RAB3D: variants seen among roughly 807,000 people sequenced by gnomAD.
RAB3D encodes the protein ras-related protein Rab-3D.
RAB3D carries 17 observed loss-of-function variants against 19.3 expected under a neutral mutation model. The observed-to-expected ratio is 0.88, with a 90% CI of 0.60 to 1.32. The LOEUF (loss-of-function observed/expected upper bound fraction) is 1.32, where lower values mean the gene tolerates loss of function less well. Ranked by LOEUF, RAB3D falls within the 40% of genes most tolerant of loss-of-function variation. The pLI, the probability that RAB3D is intolerant of heterozygous loss-of-function variation, is 0.00. For missense variants in RAB3D, 223 were observed against 299.1 expected, an observed-to-expected ratio of 0.75 and a Z score of 1.88; for synonymous variants, 103 against 119.9, an observed-to-expected ratio of 0.86 and a Z score of 0.92.
rs746346605 is a variant in RAB3D, at chr19:11,337,181, C to T, written c.219G>A (p.Leu73=). Residue 73 remains leucine, a synonymous_variant, in exon 2 of 5, where the codon CTG becomes CTA. Coordinates refer to ENST00000222120, the MANE Select transcript of RAB3D (RefSeq NM_004283.4). ...TVYRHDKRIK[L]QIWDTAGQER... ...CAGCCTCCCAGCCTACCCAGATCTG[C>T]AGCTTGATCCTCTTGTCATGGCGGT... is the stretch of plus-strand genomic sequence containing the variant. 3 of 1,613,876 alleles carry T rather than the reference C, an allele frequency of 1.9e-6. No individual in the cohort carries two copies. The highest frequency in any genetic ancestry group is 2.5e-6 in the Non-Finnish European group (3 of 1,179,918).
In RAB3D at chr19:11,323,618, C is replaced by T. The variant is rs2080794295; in HGVS notation, c.*1780G>A. ...AAAAACAAATGAAAAAAAGATACCC[C>T]ACTCCAAAGTTCTAAGGGTAGCCTC... On this transcript the variant is annotated 3_prime_UTR_variant, in exon 5 of 5. Coordinates refer to ENST00000222120, the MANE Select transcript of RAB3D (RefSeq NM_004283.4). The T allele has an allele frequency of 6.6e-6, 1 of 152,114 alleles. No homozygotes were observed. The highest frequency in any genetic ancestry group is 1.5e-5 in the Non-Finnish European group (1 of 68,032). The allele number at this position is 152,114 out of a possible 1,614,324, so 9.4% of individuals were successfully genotyped here. A position where few individuals can be genotyped will look rare whatever the true frequency, so the allele number is the denominator to read the frequency against.
chr19:11,335,611 TA>T, intron 3 of RAB3D, 40 bp from the exon 4 acceptor site: 1 of 1,613,664 alleles, frequency 6.2e-7, no homozygotes, highest in Non-Finnish European at 8.5e-7. Flanking sequence ...CCGGGGGGGT[TA>T]GGGGTCAGAG....
At chr19:11,331,048 T>C (rs1167796802) in intron 4 of RAB3D, among the ~76,000 whole-genome samples, 3 of 149,628 alleles carry the variant, frequency 2.0e-5, no homozygotes, top group Admixed American at 1.3e-4. Flanking sequence ...AAATAAATGG[T>C]TGGGAGGTTG....
At chr19:11,329,535 A>T (rs1014898871) in intron 4 of RAB3D, among the ~76,000 whole-genome samples, 2 of 150,884 alleles carry the variant, frequency 1.3e-5, no homozygotes, top group African/African-American at 4.9e-5. Context: ...TGAACCTGGG[A>T]GGCGGAGGTT....
At position 11,325,421 on chromosome 19, in the gene RAB3D, G is replaced by C. The variant is rs751532964; in HGVS notation, c.637C>G (p.Gln213Glu). 9 of 1,568,338 alleles carry C rather than the reference G, an allele frequency of 5.7e-6. No homozygotes were observed. The highest frequency in any genetic ancestry group is 7.8e-6 in the Non-Finnish European group (9 of 1,152,664). ...CTCTAGCAGCTGCAGCTGCTGGGCT[G>C]GGGGGCTGGAGCATCCCCCACGGCC... ...GPAVGDAPAP[Q>E]PSSCSC The change falls in exon 5 of 5, where the codon CAG becomes GAG. Residue 213 changes from glutamine (Q) to glutamate (E), a missense_variant. Physicochemically the swap from Gln to Glu is conservative, Grantham distance 29. Coordinates refer to ENST00000222120, the MANE Select transcript of RAB3D (RefSeq NM_004283.4).
chr19:11,322,973 G>A lies in RAB3D; in HGVS notation c.*2425C>T, dbSNP rs411834. ...CTAAAAATGCAAAACTTAGATGGGC[G>A]TGGTGGCAGGTGCCTGTAGTCCCAG... On this transcript the variant is annotated 3_prime_UTR_variant, in exon 5 of 5. Coordinates refer to ENST00000222120, the MANE Select transcript of RAB3D (RefSeq NM_004283.4). 0.18 allele frequency: 28,073 copies of A among 151,904 alleles called. 5,470 individuals carry two copies. The highest frequency in any genetic ancestry group is 0.5 in the African/African-American group (20,441 of 41,254). The allele number at this position is 151,904 out of a possible 1,614,324, so 9.4% of individuals were successfully genotyped here. A position where few individuals can be genotyped will look rare whatever the true frequency, so the allele number is the denominator to read the frequency against.
chr19:11,335,866 C>T, intron 2 of RAB3D, 83 bp from the exon 3 acceptor site: 3 of 1,273,366 alleles, frequency 2.4e-6, no homozygotes, highest in Non-Finnish European at 3.4e-6. Flanking sequence ...GCCCTGTACT[C>T]ATAGCCCCAG....
intron 4 of RAB3D, among the ~76,000 whole-genome samples, chr19:11,330,096 C>T (rs1041680630): frequency 2.0e-5 from 3 of 152,152 alleles, no homozygotes; most frequent in African/African-American, 7.2e-5. Flanking sequence ...TCCAGCCCAT[C>T]GCGGGCGTTA....
chr19:11,338,414 G>A (rs928007572), intron 1 of RAB3D, among the ~76,000 whole-genome samples: 2 of 152,190 alleles, frequency 1.3e-5, no homozygotes, highest in African/African-American at 2.4e-5. Flanking sequence ...CCTGCCAGCT[G>A]GATAAGCTGG....
chr19:11,327,486 T>C (rs318689), intron 4 of RAB3D, among the ~76,000 whole-genome samples: 36,960 of 152,066 alleles, frequency 0.24, 8,694 homozygotes, highest in African/African-American at 0.62. Context: ...GCAACCTCCG[T>C]CTCCCGAGTT....
chr19:11,335,609 G>C (rs560794281), intron 3 of RAB3D, 38 bp from the exon 4 acceptor site: 2 of 1,613,802 alleles, frequency 1.2e-6, no homozygotes, highest in East Asian at 2.2e-5. Context: ...AGCCGGGGGG[G>C]TTAGGGGTCA....
At chr19:11,326,406 C>T (rs114773457) in intron 4 of RAB3D, among the ~76,000 whole-genome samples, 1,874 of 152,178 alleles carry the variant, frequency 0.012, 47 homozygotes, top group African/African-American at 0.043. Flanking sequence ...CGAAACCCTG[C>T]GGCTGCAGCC....
At chr19:11,326,501 G>A (rs974387953) in intron 4 of RAB3D, among the ~76,000 whole-genome samples, 2 of 152,226 alleles carry the variant, frequency 1.3e-5, no homozygotes, top group African/African-American at 4.8e-5. Context: ...GAGTTCTGCT[G>A]CCCTGCGGCC....
At chr19:11,335,901 C>A in intron 2 of RAB3D, 118 bp from the exon 3 acceptor site, 1 of 896,688 alleles carries the variant, frequency 1.1e-6, no homozygotes, top group African/African-American at 1.6e-5. Context: ...CACAGACTTG[C>A]TTGTACAACC....
At chr19:11,337,134 G>A (rs1368727087) in intron 2 of RAB3D, 38 bp downstream of exon 2, 1 of 1,567,036 alleles carries the variant, frequency 6.4e-7, no homozygotes, top group African/African-American at 1.4e-5. Context: ...TTCCTGGAGG[G>A]ACCCCACCCC....
At chr19:11,334,540 G>C (rs572594287) in intron 4 of RAB3D, among the ~76,000 whole-genome samples, 6 of 151,998 alleles carry the variant, frequency 3.9e-5, no homozygotes, top group Admixed American at 3.9e-4. Context: ...TGCAATCCTA[G>C]CACTTTGGGA....
chr19:11,331,916 A>G (rs564394123), intron 4 of RAB3D, among the ~76,000 whole-genome samples: 1 of 152,180 alleles, frequency 6.6e-6, no homozygotes, highest in African/African-American at 2.4e-5. Flanking sequence ...ATGCTCTAGG[A>G]AAAAAAGGAA....
chr19:11,329,607 C>CAA (rs562770499), intron 4 of RAB3D, among the ~76,000 whole-genome samples: 16 of 136,592 alleles, frequency 1.2e-4, no homozygotes, highest in African/African-American at 3.7e-4. Flanking sequence ...AACTCCATCT[C>CAA]AAAAAAAAAA....
At position 11,326,986 on chromosome 19, in the gene RAB3D, A is replaced by G; in HGVS notation, c.473-1401T>C. ...GAATCTCCATGCAGCCCCACCTGCC[A>G]CATCACCAAGGTAAGCCAGGAATTC... On this transcript the variant is annotated intron_variant, in intron 4 of 4. Transcript: ENST00000222120. 6.2e-6 allele frequency: 3 copies of G among 481,478 alleles called. No homozygotes were observed. In the East Asian group the frequency reaches 1.0e-4, roughly 17 times the overall value. 29.8% of individuals were successfully genotyped at this position (481,478 alleles called of 1,614,324 possible). A position where few individuals can be genotyped will look rare whatever the true frequency, so the allele number is the denominator to read the frequency against.
Sources: gnomAD v4.1 joint callset for allele counts (sites outside exome capture counted in the v4.1 genomes callset) on GRCh38, gnomAD v4.1.1 for gene constraint, MANE v1.5 for transcripts, NCBI Gene and HGNC (gene_info 2026-07-23, HGNC 2026-07-21) for gene names.